PATJ: variants seen among roughly 807,000 people sequenced by gnomAD.
PATJ encodes the protein inaD-like protein.
A neutral mutation model predicts 224.9 loss-of-function variants in PATJ; 190 were observed. That is an observed-to-expected ratio of 0.84 (90% CI 0.75 to 0.95). The LOEUF (loss-of-function observed/expected upper bound fraction) is 0.95, where lower values mean the gene tolerates loss of function less well. Ranked by LOEUF, PATJ falls within the 40% of genes least tolerant of loss-of-function variation. PATJ has a pLI of 0.00. For missense variants in PATJ, 2,121 were observed against 2,270.3 expected, an observed-to-expected ratio of 0.93 and a Z score of 1.34; for synonymous variants, 769 against 820.3, an observed-to-expected ratio of 0.94 and a Z score of 1.07.
chr1:61,795,519 C>T lies in PATJ; in HGVS notation c.1221C>T (p.Tyr407=). Residue 407 remains tyrosine, a synonymous_variant, in exon 10 of 44, where the codon TAC becomes TAT. Transcript: ENST00000642238. ...GTATAATACCTGGCAGTGCTGCGTA[C>T]CACAATGGCCACATTCAAGTGAATG... ...VKSIIPGSAA[Y]HNGHIQVNDK... The T allele has an allele frequency of 6.2e-7, 1 of 1,610,324 alleles. No individual in the cohort carries two copies. The highest frequency in any genetic ancestry group is 1.1e-5 in the South Asian group (1 of 90,690).
intron 26 of PATJ, among the ~76,000 whole-genome samples, chr1:61,920,079 C>T (rs1674066329): frequency 6.6e-6 from 1 of 151,904 alleles, no homozygotes; most frequent in Non-Finnish European, 1.5e-5. Flanking sequence ...TAAAATTAGT[C>T]TGTTTTTTGT....
intron 39 of PATJ, among the ~76,000 whole-genome samples, 200 bp from the exon 40 acceptor site, chr1:62,127,772 A>T (rs1362673929): frequency 6.6e-6 from 1 of 151,656 alleles, no homozygotes; most frequent in African/African-American, 2.4e-5. Context: ...GTGCCATTGC[A>T]CTCCAGCCTG....
chr1:62,155,692 T>TA (rs34095874), intron 43 of PATJ, among the ~76,000 whole-genome samples: 48,648 of 140,614 alleles, frequency 0.35, 8,974 homozygotes, highest in Non-Finnish European at 0.45. Flanking sequence ...GCTCTGAATT[T>TA]AAAAAAAAAA....
intron 28 of PATJ, chr1:61,991,428 T>A (rs1240712393): frequency 2.0e-5 from 18 of 887,510 alleles, no homozygotes; most frequent in African/African-American, 3.6e-5. Flanking sequence ...AGTGTTAGAC[T>A]GCTTACTTGA....
In PATJ at chr1:62,057,732, G is replaced by A. The variant is rs1233968049; in HGVS notation, c.4125+6674G>A. On this transcript the variant is annotated intron_variant, in intron 31 of 43. Coordinates refer to ENST00000642238, the MANE Select transcript of PATJ (RefSeq NM_001350145.3). The stretch of plus-strand genomic sequence containing the variant: ...CCCCCAGTATGTAAACCTTGTGTCT[G>A]TAAGTGTTCTTTAAAGCTTTCCTCT... 2.0e-5 allele frequency among the ~76,000 whole-genome samples: 3 copies of A among 152,188 alleles called. No individual in the cohort carries two copies. The South Asian group carries it at 6.2e-4, about 31-fold the overall frequency.
chr1:62,149,594 G>T (rs1158724324), intron 42 of PATJ, among the ~76,000 whole-genome samples: 1 of 143,876 alleles, frequency 7.0e-6, no homozygotes, highest in African/African-American at 2.7e-5. Flanking sequence ...TTCAAATTAC[G>T]GTGGCCTTTT....
intron 30 of PATJ, among the ~76,000 whole-genome samples, chr1:62,040,388 G>T (rs770040913): frequency 3.9e-5 from 6 of 152,126 alleles, no homozygotes. Context: ...GGGATTACAG[G>T]CATGACCCTA....
intron 34 of PATJ, among the ~76,000 whole-genome samples, chr1:62,109,355 T>C (rs1432458792): frequency 1.3e-5 from 2 of 151,980 alleles, no homozygotes; most frequent in East Asian, 3.8e-4. Context: ...CATTTCTGCC[T>C]CCCAAGATGA....
At chr1:61,928,986 C>G (rs1675627500) in intron 27 of PATJ, among the ~76,000 whole-genome samples, 1 of 152,128 alleles carries the variant, frequency 6.6e-6, no homozygotes, top group South Asian at 2.1e-4. Context: ...AAGTGAATAA[C>G]ACATTGCTCC....
intron 16 of PATJ, 112 bp from the exon 17 acceptor site, chr1:61,833,542 T>C: frequency 9.6e-7 from 1 of 1,042,064 alleles, no homozygotes; most frequent in Non-Finnish European, 1.3e-6. Flanking sequence ...AAACTACGCA[T>C]GCCAAAGAGA....
rs186543929 is a variant in PATJ, at chr1:62,119,290, T to C, written c.4891-1891T>C. Reference sequence around the variant, plus strand: ...GGAAATGTCTTCCCATCATGATGAGTTGAAGACTGACCCTGGTGGGCAAAA... The same window carrying C: ...GGAAATGTCTTCCCATCATGATGAGCTGAAGACTGACCCTGGTGGGCAAAA... On this transcript the variant is annotated intron_variant, in intron 37 of 43. Coordinates refer to ENST00000642238, the MANE Select transcript of PATJ (RefSeq NM_001350145.3). Among the ~76,000 whole-genome samples the C allele has an allele frequency of 2.6e-5, 4 of 152,270 alleles. No individual in the cohort carries two copies. The East Asian group carries it at 7.7e-4, about 29-fold the overall frequency.
At chr1:62,033,225 T>G (rs1260415875) in intron 29 of PATJ, among the ~76,000 whole-genome samples, 1 of 152,210 alleles carries the variant, frequency 6.6e-6, no homozygotes, top group African/African-American at 2.4e-5. Flanking sequence ...ATAGTATAAA[T>G]ATTTGTTAAA....
chr1:61,827,376 TCA>T (rs1214798733), intron 15 of PATJ, 44 bp from the exon 16 acceptor site: 3 of 1,473,548 alleles, frequency 2.0e-6, no homozygotes, highest in Admixed American at 2.3e-5. Flanking sequence ...TTTTGTTTTT[TCA>T]TTTGGGGCTG....
intron 18 of PATJ, among the ~76,000 whole-genome samples, chr1:61,857,812 C>T (rs1663931372): frequency 6.6e-6 from 1 of 152,166 alleles, no homozygotes; most frequent in South Asian, 2.1e-4. Context: ...TGAGAAACAT[C>T]GTACTAGTAA....
intron 16 of PATJ, 93 bp downstream of exon 16, chr1:61,827,676 A>T (rs999771096): frequency 1.1e-5 from 13 of 1,182,396 alleles, no homozygotes; most frequent in Non-Finnish European, 1.5e-5. Flanking sequence ...AGGGGAAACC[A>T]TTCCACTCTG....
chr1:61,815,211 C>T (rs538438682), intron 14 of PATJ, among the ~76,000 whole-genome samples: 1 of 152,158 alleles, frequency 6.6e-6, no homozygotes, highest in Non-Finnish European at 1.5e-5. Context: ...TACAGTGGCT[C>T]TGCTGTGGGA....
intron 14 of PATJ, chr1:61,816,528 A>C (rs1320796871): frequency 6.6e-6 from 1 of 152,212 alleles, no homozygotes. Flanking sequence ...ACTATTAAAA[A>C]ATAAATTTAT....
At chr1:61,783,190 A>AT (rs1417167693) in intron 7 of PATJ, among the ~76,000 whole-genome samples, 3 of 152,216 alleles carry the variant, frequency 2.0e-5, no homozygotes, top group African/African-American at 4.8e-5. Context: ...TTCTTTATCT[A>AT]TAAAAATCAG....
chr1:61,871,485 G>GTATACACA (rs1666521189), intron 20 of PATJ, among the ~76,000 whole-genome samples: 1 of 100,184 alleles, frequency 1.0e-5, no homozygotes, highest in Non-Finnish European at 2.0e-5. Context: ...ATATATATGT[G>GTATACACA]TATATATGTA....
Sources: allele counts gnomAD v4.1 joint callset (sites outside exome capture counted in the v4.1 genomes callset), GRCh38; gene constraint gnomAD v4.1.1; transcripts MANE v1.5; gene names NCBI Gene and HGNC (gene_info 2026-07-23, HGNC 2026-07-21).